PCDH20: variants seen among roughly 807,000 people sequenced by gnomAD.
The protein encoded by PCDH20 is protocadherin 20.
A neutral mutation model predicts 39.7 loss-of-function variants in PCDH20; 18 were observed. The ratio of observed to expected loss-of-function variants is 0.45; its 90% confidence interval spans 0.31 to 0.67. The LOEUF (loss-of-function observed/expected upper bound fraction) is 0.67. PCDH20 is among the 30% of genes least tolerant of loss of function. The pLI, the probability that PCDH20 is intolerant of heterozygous loss-of-function variation, is 0.05. For missense variants in PCDH20, 1,161 were observed against 1,167.4 expected (o/e 0.99, Z 0.08); for synonymous variants, 495 against 455.4 (o/e 1.09, Z -1.11).
exon 2 of PCDH20, chr13:61,411,167 T>C: frequency 7.8e-7 from 1 of 1,284,558 alleles, no homozygotes. Flanking sequence ...GGAACTGCCA[T>C]CAACACACTC....
chr13:61,412,606 T>A, exon 2 of PCDH20: 2 of 1,614,180 alleles, frequency 1.2e-6, no homozygotes, highest in Non-Finnish European at 1.7e-6. Context: ...CTGCTGTAGC[T>A]CATAGTCCAT....
At chr13:61,412,768 A>G in exon 2 of PCDH20, 2 of 1,614,158 alleles carry the variant, frequency 1.2e-6, no homozygotes, top group Non-Finnish European at 8.5e-7. Context: ...AACGGGTTCC[A>G]GTTCTTTCAG....
chr13:61,415,071 GC>G lies in PCDH20; in HGVS notation c.87del (p.Arg30ValfsTer43). ...GTGCTGCTCCTGGGACGATGTAGACGCCCCATATCCAGGCGCGGGTGCCAGG... is the reference window on the plus strand; with the variant it reads ...GTGCTGCTCCTGGGACGATGTAGACGCCCATATCCAGGCGCGGGTGCCAGG... On this transcript the variant is annotated frameshift_variant, in exon 1 of 2. Transcript: ENST00000409204. LOFTEE classifies it high-confidence loss of function. The G allele has an allele frequency of 6.4e-7, 1 of 1,573,318 alleles. No homozygotes were observed. The highest frequency in any genetic ancestry group is 8.6e-7 in the Non-Finnish European group (1 of 1,157,724).
At chr13:61,411,062 G>T in exon 2 of PCDH20, 9 of 503,852 alleles carry the variant, frequency 1.8e-5, no homozygotes, top group East Asian at 3.3e-5. Flanking sequence ...ACTTAAAAAT[G>T]CTGTACACAT....
At position 61,411,350 on chromosome 13, in the gene PCDH20, C is replaced by T. The variant is rs868417297; in HGVS notation, c.2749G>A (p.Glu917Lys). The change falls in exon 2 of 2, where the codon GAA becomes AAA. Residue 917 changes from glutamate (E) to lysine (K), a missense_variant. By Grantham distance (56) the Glu-to-Lys change is moderately conservative (BLOSUM62 1). Coordinates refer to ENST00000409204, the Ensembl canonical transcript of PCDH20. ...TTTTCATCTTCCCTGGGATGCTTTTCCCCTTTCCTTAAACAGATGTATATG... is the reference window on the plus strand; with the variant it reads ...TTTTCATCTTCCCTGGGATGCTTTTTCCCTTTCCTTAAACAGATGTATATG... 3.1e-6 allele frequency: 5 copies of T among 1,614,082 alleles called. No homozygotes were observed. In the African/African-American group the frequency reaches 5.3e-5, roughly 17 times the overall value.
At chr13:61,412,205 T>C (rs1458899977) in exon 2 of PCDH20, 1 of 1,614,196 alleles carries the variant, frequency 6.2e-7, no homozygotes, top group Non-Finnish European at 8.5e-7. Flanking sequence ...TTGTCATTTT[T>C]ATCCAACACT....
At chr13:61,415,333 T>A in exon 1 of PCDH20, 3 of 726,414 alleles carry the variant, frequency 4.1e-6, no homozygotes, top group Non-Finnish European at 5.8e-6. Context: ...CATTCATGGT[T>A]TCCTGCCCCG....
chr13:61,415,106 C>A, exon 1 of PCDH20: 1 of 1,557,244 alleles, frequency 6.4e-7, no homozygotes. Flanking sequence ...GGTCGCCGGG[C>A]ACCAGCTCAC....
At chr13:61,413,821 G>C (rs1309116243) in exon 2 of PCDH20, 4 of 1,612,898 alleles carry the variant, frequency 2.5e-6, no homozygotes, top group Non-Finnish European at 3.4e-6. Flanking sequence ...TGCAGACCTG[G>C]GCAGCAGCCG....
exon 2 of PCDH20, chr13:61,412,625 T>C (rs1345373652): frequency 1.2e-6 from 2 of 1,613,986 alleles, no homozygotes; most frequent in Non-Finnish European, 1.7e-6. Context: ...ATAGGTTTTG[T>C]GGTCTCTAGT....
At position 61,413,868 on chromosome 13, in the gene PCDH20, G is replaced by C. The variant is rs1169747909; in HGVS notation, c.231C>G (p.Pro77=). The C allele has an allele frequency of 2.5e-6, 4 of 1,613,384 alleles. No homozygotes were observed. The African/African-American group carries it at 5.3e-5, about 22-fold the overall frequency. Residue 77 remains proline (P), a synonymous_variant, in exon 2 of 2, where the codon CCC becomes CCG. Transcript: ENST00000409204. ...CCAGGCTGCCGATGAGCACCCCCGC[G>C]GGTAGTCCCTCGTTTAGGCTGTACA...
chr13:61,412,552 T>C, exon 2 of PCDH20: 1 of 1,614,146 alleles, frequency 6.2e-7, no homozygotes, highest in Non-Finnish European at 8.5e-7. Flanking sequence ...CCTTTTGACA[T>C]GAAATCCCTC....
exon 2 of PCDH20, chr13:61,410,921 T>A (rs1224107990): frequency 5.5e-6 from 1 of 180,702 alleles, no homozygotes. Flanking sequence ...TAGATAAAAA[T>A]TTGTTCCATT....
intron 1 of PCDH20, 103 bp downstream of exon 1, chr13:61,414,924 A>G: frequency 8.0e-7 from 1 of 1,249,866 alleles, no homozygotes; most frequent in East Asian, 3.1e-5. Context: ...CTTCCCGTGA[A>G]GTTTAGATAA....
exon 2 of PCDH20, chr13:61,413,603 C>T (rs1201475649): frequency 1.2e-6 from 2 of 1,614,082 alleles, no homozygotes; most frequent in Non-Finnish European, 1.7e-6. Context: ...GAGATGGAAA[C>T]GCTGCCGCTC....
At chr13:61,413,250 C>T in exon 2 of PCDH20, 1 of 1,614,134 alleles carries the variant, frequency 6.2e-7, no homozygotes, top group Non-Finnish European at 8.5e-7. Flanking sequence ...CATACTGGTC[C>T]TGGGTTTCCC....
exon 2 of PCDH20, chr13:61,411,782 C>A: frequency 3.1e-6 from 5 of 1,614,194 alleles, no homozygotes; most frequent in Non-Finnish European, 4.2e-6. Context: ...ATGCCTGTGT[C>A]TTTGTCGACA....
At chr13:61,413,410 A>G (rs767284206) in exon 2 of PCDH20, 3 of 1,614,016 alleles carry the variant, frequency 1.9e-6, no homozygotes, top group African/African-American at 2.7e-5. Flanking sequence ...AGGATGCTCT[A>G]TGGCCAGTCG....
Position 61,412,989 on chromosome 13 carries a change from TA to T in PCDH20, c.1109del (p.Leu370TyrfsTer40), listed in dbSNP as rs759387676. 7 of 1,614,174 alleles carry T rather than the reference TA, an allele frequency of 4.3e-6. No homozygotes were observed. Among genetic ancestry groups the T allele is most frequent in the Non-Finnish European group, 5.9e-6 (7 of 1,180,014 alleles). On this transcript the variant is annotated frameshift_variant, in exon 2 of 2. Transcript: ENST00000409204. LOFTEE classifies it high-confidence loss of function. ...CTCCAGTGTTTTCATCCAGGTGAAA[TA>T]AATCCTTAGATGCTTGTGGAACTTT...
Sources: gnomAD v4.1 joint callset for allele counts on GRCh38, gnomAD v4.1.1 for gene constraint, MANE v1.5 for transcripts, NCBI Gene and HGNC (gene_info 2026-07-23, HGNC 2026-07-21) for gene names.